Variants in DOCK9 observed in about 807,000 individuals in gnomAD.
DOCK9 encodes dedicator of cytokinesis protein 9.
In DOCK9, 89 loss-of-function variants were observed where a neutral mutation model predicts 263.3. The ratio of observed to expected loss-of-function variants is 0.34; its 90% CI spans 0.28 to 0.40. The LOEUF (loss-of-function observed/expected upper bound fraction) is 0.40, where lower values mean the gene tolerates loss of function less well. Among genes scored for constraint, DOCK9 ranks in the 10% least tolerant of loss-of-function variants. DOCK9 has a pLI of 1.00. For missense variants in DOCK9, 2,140 were observed against 2,603.4 expected, an observed-to-expected ratio of 0.82 and a Z score of 3.87; for synonymous variants, 976 against 973.1, an observed-to-expected ratio of 1.00 and a Z score of -0.06.
At position 98,839,302 on chromosome 13, in the gene DOCK9, G is replaced by A. The variant is rs140678571; in HGVS notation, c.4199-1693C>T. Among the ~76,000 whole-genome samples the A allele has an allele frequency of 2.1e-3, 327 of 152,334 alleles. 1 individual carries two copies. Among genetic ancestry groups the A allele is most frequent in the African/African-American group, 7.4e-3 (307 of 41,574 alleles). The stretch of plus-strand genomic sequence containing the variant: ...TCCCAGAGAAAATAAAGGTGGATAT[G>A]TTGGGGTACTAATGTTACTTGTACT... On this transcript the variant is annotated intron_variant, in intron 38 of 52. Transcript: ENST00000682017.
intron 1 of DOCK9, among the ~76,000 whole-genome samples, chr13:99,065,541 G>A (rs1442715087): frequency 1.3e-5 from 2 of 152,086 alleles, no homozygotes; most frequent in East Asian, 3.9e-4. Context: ...CTCCATACAT[G>A]ACACCAGACG....
At chr13:98,895,083 T>C (rs1595070010) in intron 15 of DOCK9, among the ~76,000 whole-genome samples, 2 of 148,324 alleles carry the variant, frequency 1.3e-5, no homozygotes, top group Admixed American at 6.7e-5. Flanking sequence ...GAGGCGGAGG[T>C]TGCAGTGAGC....
intron 1 of DOCK9, among the ~76,000 whole-genome samples, chr13:99,013,882 G>A: frequency 6.6e-6 from 1 of 152,198 alleles, no homozygotes; most frequent in South Asian, 2.1e-4. Context: ...GCGTGCAGAA[G>A]AGGTCCCAGA....
At chr13:98,802,390 T>C (rs1456188793) in intron 49 of DOCK9, among the ~76,000 whole-genome samples, 1 of 152,156 alleles carries the variant, frequency 6.6e-6, no homozygotes, top group Non-Finnish European at 1.5e-5. Context: ...CCAAACTGGC[T>C]CTGGAAGGTG....
intron 2 of DOCK9, among the ~76,000 whole-genome samples, chr13:98,942,232 G>T (rs112990378): frequency 0.037 from 3,356 of 89,596 alleles, 64 homozygotes; most frequent in African/African-American, 0.094. Context: ...TTTTTTTTTT[G>T]TTGTTTTTTT....
Position 98,868,278 on chromosome 13 carries a change from G to T in DOCK9, c.3043C>A (p.Pro1015Thr). The part of the protein sequence containing the change: ...PHITQKFRDN[P>T]EASKNANHSL... ...TGATTCGCGTTCTTAGATGCCTCTG[G>T]ATTATCTCGAAACTTCTGAGTGATG... Residue 1015 changes from proline to threonine, a missense_variant, in exon 28 of 53, where the codon CCA becomes ACA. Physicochemically the swap from Pro to Thr is conservative, Grantham distance 38. Transcript: ENST00000682017. 1 of 1,613,912 alleles carries T rather than the reference G, an allele frequency of 6.2e-7. No individual in the cohort carries two copies. Among genetic ancestry groups the T allele is most frequent in the Non-Finnish European group, 8.5e-7 (1 of 1,179,880 alleles).
chr13:98,866,663 G>C (rs567185160), intron 30 of DOCK9, among the ~76,000 whole-genome samples: 9 of 152,256 alleles, frequency 5.9e-5, no homozygotes, highest in African/African-American at 2.2e-4. Context: ...AAAGAATACA[G>C]GACATTAATA....
Position 98,930,038 on chromosome 13 carries a change from A to G in DOCK9, c.333+130T>C, listed in dbSNP as rs535420876. The G allele has an allele frequency of 1.5e-3, 1,208 of 809,724 alleles. 1 individual carries two copies. Among genetic ancestry groups the G allele is most frequent in the Non-Finnish European group, 1.4e-3 (723 of 506,294 alleles). The allele number at this position is 809,724 out of a possible 1,614,324, so 50.2% of individuals were successfully genotyped here. A position where few individuals can be genotyped will look rare whatever the true frequency, so the allele number is the denominator to read the frequency against. ...GAGTCTGAAAAATTCACATTATTCT[A>G]TTTGAACTTCCATCATAGAAATACA... On this transcript the variant is annotated intron_variant, in intron 3 of 52. Coordinates refer to ENST00000682017, the MANE Select transcript of DOCK9 (RefSeq NM_001366683.2).
At chr13:98,923,582 G>A (rs1373182374) in intron 4 of DOCK9, among the ~76,000 whole-genome samples, 1 of 152,116 alleles carries the variant, frequency 6.6e-6, no homozygotes, top group Non-Finnish European at 1.5e-5. Flanking sequence ...AAGCTATGTG[G>A]AAAAGACAGC....
intron 1 of DOCK9, among the ~76,000 whole-genome samples, chr13:99,066,067 C>T (rs896517545): frequency 7.2e-5 from 11 of 152,182 alleles, no homozygotes; most frequent in Non-Finnish European, 1.2e-4. Context: ...GACCCACACA[C>T]GTCCTGAATG....
chr13:98,828,352 A>G (rs1225731896), intron 43 of DOCK9, among the ~76,000 whole-genome samples: 1 of 152,182 alleles, frequency 6.6e-6, no homozygotes, highest in Non-Finnish European at 1.5e-5. Flanking sequence ...TTTGAGACCT[A>G]GGCCACATAT....
intron 39 of DOCK9, among the ~76,000 whole-genome samples, chr13:98,835,950 AT>A (rs1014470065): frequency 6.6e-6 from 1 of 151,824 alleles, no homozygotes; most frequent in Non-Finnish European, 1.5e-5. Flanking sequence ...GTTGGCCAGA[AT>A]GGTCTCGATC....
At chr13:98,943,380 G>A (rs1453547051) in intron 2 of DOCK9, among the ~76,000 whole-genome samples, 1 of 152,190 alleles carries the variant, frequency 6.6e-6, no homozygotes, top group African/African-American at 2.4e-5. Context: ...GGCAACCCTG[G>A]TAGAAAAAGG....
At chr13:98,920,242 T>C (rs530119551) in intron 7 of DOCK9, among the ~76,000 whole-genome samples, 1 of 152,204 alleles carries the variant, frequency 6.6e-6, no homozygotes, top group Non-Finnish European at 1.5e-5. Context: ...TCATGTGTTA[T>C]CTTTAATTAA....
At chr13:99,059,005 T>C (rs1399363353) in intron 1 of DOCK9, among the ~76,000 whole-genome samples, 1 of 152,140 alleles carries the variant, frequency 6.6e-6, no homozygotes, top group Non-Finnish European at 1.5e-5. Context: ...GGAGGCTTCT[T>C]ATCTCTCTGG....
chr13:98,810,608 T>C (rs1173385982), intron 45 of DOCK9, among the ~76,000 whole-genome samples: 1 of 152,230 alleles, frequency 6.6e-6, no homozygotes, highest in Admixed American at 6.5e-5. Context: ...TTTTTGTTCC[T>C]AGTTGTCTTA....
chr13:99,005,196 A>G lies in DOCK9; in HGVS notation c.130-49645T>C, dbSNP rs142586311. Among the ~76,000 whole-genome samples the G allele has an allele frequency of 2.6e-5, 4 of 152,364 alleles. No homozygotes were observed. In the East Asian group the frequency reaches 7.7e-4, roughly 29 times the overall value. On this transcript the variant is annotated intron_variant, in intron 1 of 32. Coordinates refer to the DOCK9 transcript ENST00000427887. ...AAGACAAGCTTGATCTATTTTATGA[A>G]CAGGCTATTTACTGAGGAAACAAAC...
intron 45 of DOCK9, chr13:98,820,676 A>G (rs2092216450): frequency 2.3e-6 from 1 of 433,806 alleles, no homozygotes; most frequent in South Asian, 1.7e-5. Context: ...TAATTACTGT[A>G]TTTTGCAAAA....
At chr13:99,029,311 C>T (rs1173042745) in intron 1 of DOCK9, among the ~76,000 whole-genome samples, 2 of 152,194 alleles carry the variant, frequency 1.3e-5, no homozygotes, top group East Asian at 3.8e-4. Flanking sequence ...ACCCTATTTG[C>T]CCCCAGCCCT....
Sources: allele counts gnomAD v4.1 joint callset (sites outside exome capture counted in the v4.1 genomes callset), GRCh38; gene constraint gnomAD v4.1.1; transcripts MANE v1.5; gene names NCBI Gene and HGNC (gene_info 2026-07-23, HGNC 2026-07-21).